Variants in DNMBP observed in about 807,000 individuals in gnomAD.
DNMBP encodes dynamin binding protein, also known as dynamin-binding protein.
Under a neutral mutation model 150.0 loss-of-function variants are expected in DNMBP, and 87 were observed. The observed-to-expected ratio is 0.58, with a 90% CI of 0.49 to 0.69. DNMBP has a LOEUF of 0.69. Among genes scored for constraint, DNMBP ranks in the 30% least tolerant of loss-of-function variants. The pLI, the probability that DNMBP is intolerant of heterozygous loss-of-function variation, is 0.00. For synonymous variants in DNMBP, 711 were observed against 750.4 expected (o/e 0.95, Z 0.86); for missense variants, 1,774 against 1,949.0 (o/e 0.91, Z 1.69).
chr10:99,930,578 T>C (rs1234814456), intron 4 of DNMBP: 1 of 702,942 alleles, frequency 1.4e-6, no homozygotes, highest in East Asian at 2.7e-5. Context: ...AATCCCTTTT[T>C]CTGTAGGGCT....
chr10:99,883,638 C>CAAAAAAAA lies in DNMBP; in HGVS notation c.3997+365_3997+372dup, dbSNP rs71009782. Among the ~76,000 whole-genome samples, 214 of 65,578 alleles carry CAAAAAAAA rather than the reference C, an allele frequency of 3.3e-3. 5 individuals carry two copies. The highest frequency in any genetic ancestry group is 7.9e-3 in the African/African-American group (159 of 20,090). The allele number at this position is 65,578 out of a possible 152,430, so 43.0% of individuals were successfully genotyped here. A position where few individuals can be genotyped will look rare whatever the true frequency, so the allele number is the denominator to read the frequency against. ...CCTGGATAACAGAGCAAGACTGCCA[C>CAAAAAAAA]AAAAAAAAAAAAAAAAAAAAAAAAA... On this transcript the variant is annotated intron_variant, in intron 15 of 16. Transcript: ENST00000324109.
rs763592355 is a variant in DNMBP at position 99,885,763 on chromosome 10, G to A, written c.3722C>T (p.Ser1241Phe). Residue 1241 changes from serine to phenylalanine, a missense_variant, in exon 14 of 17, where the codon TCT becomes TTT. Physicochemically the swap from Ser to Phe is radical, Grantham distance 155. This residue lies in a region of DNMBP where 1,430 missense variants were observed against 1,492.5 expected (regional missense o/e 0.96). Transcript: ENST00000324109. ...AAATGGCTTCTTGGTAGCTGGAAGA[G>A]ACTCCGGGAAGAAGGTAAAAACCTG... is the stretch of plus-strand genomic sequence containing the variant. Reference protein sequence around the residue: ...QLQVFTFFPESLPATKKPFER... With the variant: ...QLQVFTFFPEFLPATKKPFER... 1 of 1,607,112 alleles carries A rather than the reference G, an allele frequency of 6.2e-7. No individual in the cohort carries two copies. The highest frequency in any genetic ancestry group is 1.1e-5 in the South Asian group (1 of 89,468).
chr10:100,001,102 G>A (rs571016862), intron 1 of DNMBP, among the ~76,000 whole-genome samples: 13 of 150,086 alleles, frequency 8.7e-5, no homozygotes, highest in Admixed American at 3.3e-4. Flanking sequence ...GTGGTGGTGC[G>A]TGCCTGTAAT....
chr10:99,930,921 T>C (rs2040149792), intron 4 of DNMBP: 2 of 532,846 alleles, frequency 3.8e-6, no homozygotes, highest in Non-Finnish European at 3.3e-6. Flanking sequence ...CGGAGCGCAG[T>C]GAGATGTGGA....
intron 11 of DNMBP, 156 bp from the exon 12 acceptor site, chr10:99,889,109 T>C: frequency 1.2e-6 from 1 of 800,952 alleles, no homozygotes; most frequent in Non-Finnish European, 1.9e-6. Context: ...AAGCATATTT[T>C]CATAAACTAT....
chr10:99,890,780 G>T (rs1279358545), intron 11 of DNMBP, among the ~76,000 whole-genome samples: 1 of 152,138 alleles, frequency 6.6e-6, no homozygotes, highest in Non-Finnish European at 1.5e-5. Flanking sequence ...CTGAGTAGCT[G>T]GGATTACAGG....
Position 99,908,004 on chromosome 10 carries a change from C to T in DNMBP, c.2545G>A (p.Asp849Asn), listed in dbSNP as rs527395031. The part of the protein sequence containing the change: ...KQLLAALEIS[D>N]AVGPVFLGHR... ...ACACAGGAGCTCATACCTACAGCAT[C>T]GCTGATTTCCAGAGCAGCCAATAAT... The change falls in exon 6 of 17, where the codon GAT becomes AAT. Residue 849 changes from aspartate to asparagine, a missense_variant. Transcript: ENST00000324109. The T allele has an allele frequency of 1.9e-5, 30 of 1,613,420 alleles. No individual in the cohort carries two copies. In the East Asian group the frequency reaches 2.5e-4, roughly 13 times the overall value.
chr10:99,955,716 C>T lies in DNMBP; in HGVS notation c.1758G>A (p.Lys586=), dbSNP rs36078125. Residue 586 remains lysine, a synonymous_variant, in exon 4 of 17, where the codon AAG becomes AAA. Transcript: ENST00000324109. ...ACTTTGAGGAACCTCGGACAATATCCTTCTCAGAGTTAAAGTCCATGATTG... is the reference window on the plus strand; with the variant it reads ...ACTTTGAGGAACCTCGGACAATATCTTTCTCAGAGTTAAAGTCCATGATTG... The part of the protein sequence containing the change: ...HFSIMDFNSE[K]DIVRGSSKLI... 502 of 1,614,244 alleles carry T rather than the reference C, an allele frequency of 3.1e-4. 3 individuals carry two copies. The African/African-American group carries it at 5.7e-3, about 18-fold the overall frequency.
At chr10:99,931,468 C>G (rs777809023) in intron 4 of DNMBP, among the ~76,000 whole-genome samples, 5 of 152,176 alleles carry the variant, frequency 3.3e-5, no homozygotes, top group Admixed American at 6.5e-5. Flanking sequence ...AAAGTACTTC[C>G]TTTTACTTTG....
At chr10:99,967,878 T>C (rs938025882) in intron 3 of DNMBP, among the ~76,000 whole-genome samples, 5 of 152,214 alleles carry the variant, frequency 3.3e-5, no homozygotes, top group Non-Finnish European at 2.9e-5. Flanking sequence ...TCTCTGTTTA[T>C]GCAGAATGGA....
chr10:99,889,112 T>C lies in DNMBP; in HGVS notation c.3157-159A>G, dbSNP rs1042345128. ...TAGCTTTGAAATAAGCATATTTTCA[T>C]AAACTATGACTTACGGGGCACAGAG... On this transcript the variant is annotated intron_variant, in intron 11 of 16. Coordinates refer to ENST00000324109, the MANE Select transcript of DNMBP (RefSeq NM_015221.4). 7.6e-6 allele frequency: 6 copies of C among 789,180 alleles called. No homozygotes were observed. In the African/African-American group the frequency reaches 1.0e-4, roughly 14 times the overall value. 48.9% of individuals were successfully genotyped at this position (789,180 alleles called of 1,614,324 possible).
chr10:99,920,422 T>A (rs1264969883), intron 4 of DNMBP, among the ~76,000 whole-genome samples: 2 of 151,938 alleles, frequency 1.3e-5, no homozygotes, highest in Non-Finnish European at 2.9e-5. Context: ...ACCTAGGATA[T>A]GGGTGGGGTA....
intron 1 of DNMBP, among the ~76,000 whole-genome samples, chr10:99,981,473 T>G (rs1379205078): frequency 6.6e-6 from 1 of 152,198 alleles, no homozygotes; most frequent in Non-Finnish European, 1.5e-5. Context: ...TGAGCCACTG[T>G]GCCTGGCCAG....
At position 99,956,284 on chromosome 10, in the gene DNMBP, G is replaced by A. The variant is rs1219214487; in HGVS notation, c.1190C>T (p.Ala397Val). The A allele has an allele frequency of 6.2e-7, 1 of 1,613,594 alleles. No individual in the cohort carries two copies. Among genetic ancestry groups the A allele is most frequent in the East Asian group, 2.2e-5 (1 of 44,834 alleles). ...SPGVEWEMPL[A>V]TDSPTSDPTE... ...AGGGTCAGATGTGGGAGAGTCTGTG[G>A]CAAGAGGCATTTCCCACTCCACGCC... is the stretch of plus-strand genomic sequence containing the variant. Residue 397 changes from alanine (A) to valine (V), a missense_variant, in exon 4 of 17, where the codon GCC becomes GTC. Physicochemically the swap from Ala to Val is moderately conservative, Grantham distance 64 (BLOSUM62 0). This residue lies in a region of DNMBP where 1,430 missense variants were observed against 1,492.5 expected (regional missense o/e 0.96). Coordinates refer to ENST00000324109, the MANE Select transcript of DNMBP (RefSeq NM_015221.4).
rs1399155444 is a variant in DNMBP at position 99,884,113 on chromosome 10, C to T, written c.3895G>A (p.Ala1299Thr). Residue 1299 changes from alanine to threonine, a missense_variant, in exon 15 of 17, where the codon GCT (alanine) becomes ACT (threonine). Coordinates refer to ENST00000324109, the MANE Select transcript of DNMBP (RefSeq NM_015221.4). ...LFQAERNFNA[A>T]QDLDVSLLEG... ...AAAAGTGAGACATCCAAGTCTTGAG[C>T]AGCATTGAAGTTCCGTTCTGCCTGG... 8 of 1,614,022 alleles carry T rather than the reference C, an allele frequency of 5.0e-6. No individual in the cohort carries two copies. Among genetic ancestry groups the T allele is most frequent in the African/African-American group, 1.3e-5 (1 of 74,888 alleles).
intron 1 of DNMBP, among the ~76,000 whole-genome samples, chr10:99,995,336 C>T (rs1418229650): frequency 6.6e-6 from 1 of 152,106 alleles, no homozygotes; most frequent in Non-Finnish European, 1.5e-5. Flanking sequence ...GGCATGATCA[C>T]GGCACCTGGC....
chr10:99,954,996 T>A (rs1248799750), intron 4 of DNMBP, among the ~76,000 whole-genome samples: 1 of 148,080 alleles, frequency 6.8e-6, no homozygotes, highest in East Asian at 2.0e-4. Context: ...GAGGCTGCAG[T>A]GAGCCAAGTT....
chr10:99,902,319 T>C (rs2039754644), intron 6 of DNMBP, among the ~76,000 whole-genome samples: 1 of 125,886 alleles, frequency 7.9e-6, no homozygotes, highest in African/African-American at 3.3e-5. Flanking sequence ...TTTTTTTTTT[T>C]TTTTTTTTGA....
At position 99,875,876 on chromosome 10, in the gene DNMBP, G is replaced by A. The variant is rs182392790; in HGVS notation, c.*1275C>T. ...AGATCTTAAGATTCTTGGTCTAAGG[G>A]GTAAGCAAATATCTTCCTGAGACTG... On this transcript the variant is annotated 3_prime_UTR_variant, in exon 17 of 17. Coordinates refer to ENST00000324109, the MANE Select transcript of DNMBP (RefSeq NM_015221.4). 32 of 152,272 alleles carry A rather than the reference G, an allele frequency of 2.1e-4. No homozygotes were observed. The highest frequency in any genetic ancestry group is 3.7e-4 in the Non-Finnish European group (25 of 68,014). 9.4% of individuals were successfully genotyped at this position (152,272 alleles called of 1,614,324 possible).
Sources: gnomAD v4.1 joint callset for allele counts (sites outside exome capture counted in the v4.1 genomes callset) on GRCh38, gnomAD v4.1.1 for gene constraint, gnomAD v4.1.1 regional missense constraint, MANE v1.5 for transcripts, NCBI Gene and HGNC (gene_info 2026-07-23, HGNC 2026-07-21) for gene names.